The following FMNL2 variants were observed in gnomAD, a reference collection of about 807,000 sequenced individuals.
FMNL2 encodes formin like 2.
A neutral mutation model predicts 130.2 loss-of-function variants in FMNL2; 51 were observed. The observed-to-expected ratio is 0.39, with a 90% CI of 0.31 to 0.49. The LOEUF is 0.49. FMNL2 is among the 20% of genes least tolerant of loss of function. The pLI is 0.85. For missense variants in FMNL2, 977 were observed against 1,316.2 expected (o/e 0.74, Z 3.99); for synonymous variants, 465 against 467.1 (o/e 1.00, Z 0.06).
At chr2:152,538,120 T>C (rs1694096428) in intron 2 of FMNL2, among the ~76,000 whole-genome samples, 1 of 152,184 alleles carries the variant, frequency 6.6e-6, no homozygotes. Flanking sequence ...ATTTGAAATA[T>C]CTCACTAAAA....
chr2:152,402,886 T>G (rs909288821), intron 1 of FMNL2, among the ~76,000 whole-genome samples: 15 of 152,304 alleles, frequency 9.8e-5, no homozygotes, highest in African/African-American at 3.6e-4. Context: ...ATACTTAATG[T>G]TCTTTTTCGG....
chr2:152,379,477 TTAAC>T (rs1244464630), intron 1 of FMNL2, among the ~76,000 whole-genome samples: 2 of 152,342 alleles, frequency 1.3e-5, no homozygotes, highest in East Asian at 1.9e-4. Context: ...AGGCCAGTGT[TTAAC>T]TAAGCAAAGT....
intron 9 of FMNL2, among the ~76,000 whole-genome samples, chr2:152,584,655 C>T (rs773453190): frequency 2.0e-5 from 3 of 152,174 alleles, no homozygotes; most frequent in Non-Finnish European, 2.9e-5. Context: ...TTTTCCCCCT[C>T]TACCTCTTGA....
At chr2:152,419,762 AC>A (rs1453727592) in intron 1 of FMNL2, among the ~76,000 whole-genome samples, 1 of 152,084 alleles carries the variant, frequency 6.6e-6, no homozygotes, top group Admixed American at 6.6e-5. Flanking sequence ...CGCCCCTGAG[AC>A]CACCCCAGGA....
intron 1 of FMNL2, among the ~76,000 whole-genome samples, chr2:152,490,665 T>C (rs1460012781): frequency 4.1e-5 from 6 of 145,486 alleles, no homozygotes; most frequent in Non-Finnish European, 7.5e-5. Flanking sequence ...CCCACACAAC[T>C]TGGGACTCAT....
intron 1 of FMNL2, among the ~76,000 whole-genome samples, chr2:152,479,385 T>TCC (rs1365441830): frequency 6.6e-6 from 1 of 152,144 alleles, no homozygotes; most frequent in African/African-American, 2.4e-5. Flanking sequence ...GCTCAAGTCA[T>TCC]CCTCCTGCGT....
chr2:152,445,303 G>A (rs578002611), intron 1 of FMNL2, among the ~76,000 whole-genome samples: 7 of 152,332 alleles, frequency 4.6e-5, no homozygotes, highest in African/African-American at 1.7e-4. Flanking sequence ...AAACGCCCTT[G>A]AGATTCTGCC....
At chr2:152,575,345 A>G in intron 7 of FMNL2, 101 bp downstream of exon 7, 3 of 622,554 alleles carry the variant, frequency 4.8e-6, no homozygotes, top group South Asian at 6.0e-5. Context: ...AGGGTACAAT[A>G]AAAGCCCAGA....
intron 1 of FMNL2, among the ~76,000 whole-genome samples, chr2:152,427,318 G>T (rs1449279876): frequency 6.6e-6 from 1 of 152,148 alleles, no homozygotes; most frequent in Non-Finnish European, 1.5e-5. Context: ...AGGCTGAGAT[G>T]GGTGGATCAC....
At chr2:152,536,528 C>T (rs564675528) in intron 2 of FMNL2, among the ~76,000 whole-genome samples, 4 of 152,164 alleles carry the variant, frequency 2.6e-5, no homozygotes, top group Non-Finnish European at 4.4e-5. Flanking sequence ...ACAAAAACAA[C>T]GCCCTTTAAA....
intron 1 of FMNL2, among the ~76,000 whole-genome samples, chr2:152,388,554 G>T (rs925679804): frequency 1.3e-5 from 2 of 152,054 alleles, no homozygotes; most frequent in Non-Finnish European, 2.9e-5. Flanking sequence ...ATGACATGTG[G>T]GGATTATGGG....
intron 21 of FMNL2, among the ~76,000 whole-genome samples, chr2:152,633,099 C>CT (rs767574977): frequency 0.01 from 1,444 of 140,728 alleles, 12 homozygotes; most frequent in African/African-American, 0.021. Flanking sequence ...CTGTGCTCTT[C>CT]TTTTTTTTTT....
chr2:152,412,812 A>G (rs1286779627), intron 1 of FMNL2, among the ~76,000 whole-genome samples: 2 of 152,012 alleles, frequency 1.3e-5, no homozygotes, highest in Non-Finnish European at 2.9e-5. Flanking sequence ...GTCTCAAAAA[A>G]AAAGCTAAAC....
intron 1 of FMNL2, among the ~76,000 whole-genome samples, chr2:152,478,936 A>G (rs1373964420): frequency 6.6e-6 from 1 of 152,212 alleles, no homozygotes; most frequent in African/African-American, 2.4e-5. Context: ...CAACTCTCAA[A>G]TGAGGTGATG....
At chr2:152,391,704 C>T (rs1685116484) in intron 1 of FMNL2, among the ~76,000 whole-genome samples, 1 of 142,832 alleles carries the variant, frequency 7.0e-6, no homozygotes, top group East Asian at 2.3e-4. Flanking sequence ...GAAGCAAGAA[C>T]ATTATTGGAA....
intron 25 of FMNL2, chr2:152,643,289 C>G (rs974892991): frequency 1.5e-6 from 2 of 1,295,788 alleles, no homozygotes; most frequent in Admixed American, 2.2e-5. Context: ...TGCCTTCCCC[C>G]TTTCCTGCCC....
chr2:152,378,958 G>A (rs1318918153), intron 1 of FMNL2, among the ~76,000 whole-genome samples: 1 of 120,634 alleles, frequency 8.3e-6, no homozygotes, highest in African/African-American at 3.1e-5. Context: ...GAGAGGGATG[G>A]CTAGAGAAGG....
At chr2:152,511,221 C>G (rs1442685855) in intron 1 of FMNL2, among the ~76,000 whole-genome samples, 1 of 152,194 alleles carries the variant, frequency 6.6e-6, no homozygotes, top group Non-Finnish European at 1.5e-5. Context: ...ACTTATTCCG[C>G]CCCCACCTTT....
chr2:152,498,807 A>G (rs1290034710), intron 1 of FMNL2, among the ~76,000 whole-genome samples: 1 of 152,258 alleles, frequency 6.6e-6, no homozygotes, highest in Non-Finnish European at 1.5e-5. Flanking sequence ...AACTGAAGAC[A>G]AACAAATGTA....
Sources: allele counts gnomAD v4.1 joint callset (sites outside exome capture counted in the v4.1 genomes callset), GRCh38; gene constraint gnomAD v4.1.1; transcripts MANE v1.5; gene names NCBI Gene and HGNC (gene_info 2026-07-23, HGNC 2026-07-21).